The following ACSM1 variants were observed in gnomAD, a reference collection of about 807,000 sequenced individuals.
ACSM1 encodes the protein acyl-CoA synthetase medium chain family member 1.
A neutral mutation model predicts 75.8 loss-of-function variants in ACSM1; 79 were observed. That is an observed-to-expected ratio of 1.04 (90% CI 0.87 to 1.26). ACSM1 has a LOEUF of 1.26. Ranked by LOEUF, ACSM1 falls within the 50% of genes most tolerant of loss-of-function variation. The pLI is 0.00. For synonymous variants in ACSM1, 279 were observed against 265.8 expected (o/e 1.05, Z -0.48); for missense variants, 676 against 720.1 (o/e 0.94, Z 0.70).
chr16:20,633,696 G>A (rs116849543), intron 10 of ACSM1, among the ~76,000 whole-genome samples: 1 of 152,022 alleles, frequency 6.6e-6, no homozygotes, highest in Admixed American at 6.6e-5. Context: ...AATGCATATA[G>A]AATCTCAAAG....
rs543307974 is a variant in ACSM1 at position 20,627,220 on chromosome 16, C to A, written c.1396G>T (p.Gly466Trp). The A allele has an allele frequency of 2.0e-5, 31 of 1,575,182 alleles. No individual in the cohort carries two copies. The African/African-American group carries it at 4.3e-4, about 22-fold the overall frequency. Reference sequence around the variant, plus strand: ...GCATTAATGATGTCATCACTCCTCCCCAGGAAACAAATGTAGCCCTCTTCA... The same window carrying A: ...GCATTAATGATGTCATCACTCCTCCACAGGAAACAAATGTAGCCCTCTTCA... ...MDEEGYICFLGRSDDIINASG... is the reference protein window; with the variant it reads ...MDEEGYICFLWRSDDIINASG... The change falls in exon 11 of 14, where the codon GGG becomes TGG. Residue 466 changes from glycine to tryptophan, a missense_variant. By Grantham distance (184) the Gly-to-Trp change is radical. Coordinates refer to ENST00000520010, the MANE Select transcript of ACSM1 (RefSeq NM_001318890.3).
chr16:20,624,309 C>G, intron 12 of ACSM1, 94 bp from the exon 13 acceptor site: 2 of 1,421,802 alleles, frequency 1.4e-6, no homozygotes, highest in East Asian at 5.2e-5. Flanking sequence ...AACAAGGTGA[C>G]ACTGAACCCT....
intron 10 of ACSM1, among the ~76,000 whole-genome samples, chr16:20,636,007 C>T (rs1464370473): frequency 6.6e-6 from 1 of 152,162 alleles, no homozygotes; most frequent in African/African-American, 2.4e-5. Flanking sequence ...CTGTATGTTC[C>T]CCTTTGGTCA....
intron 2 of ACSM1, among the ~76,000 whole-genome samples, chr16:20,690,091 C>T (rs1443899631): frequency 6.6e-6 from 1 of 152,092 alleles, no homozygotes; most frequent in Non-Finnish European, 1.5e-5. Context: ...TATGCAAATT[C>T]AGAGAAAAGA....
chr16:20,639,527 T>C (rs1051549300), intron 8 of ACSM1, among the ~76,000 whole-genome samples: 3 of 152,200 alleles, frequency 2.0e-5, no homozygotes, highest in African/African-American at 7.2e-5. Flanking sequence ...CTGGGGATCC[T>C]CTGAGCTGAT....
intron 6 of ACSM1, among the ~76,000 whole-genome samples, chr16:20,666,946 C>T (rs2019601688): frequency 6.6e-6 from 1 of 152,092 alleles, no homozygotes. Context: ...AAAATTAACT[C>T]AAGATGGAGT....
At chr16:20,663,857 G>A (rs1216274290) in intron 6 of ACSM1, among the ~76,000 whole-genome samples, 1 of 152,116 alleles carries the variant, frequency 6.6e-6, no homozygotes, top group Non-Finnish European at 1.5e-5. Context: ...CGTTGAAGTA[G>A]GCTTCTGTTA....
At chr16:20,696,485 A>C (rs2079690407) in intron 1 of ACSM1, among the ~76,000 whole-genome samples, 1 of 152,278 alleles carries the variant, frequency 6.6e-6, no homozygotes, top group Non-Finnish European at 1.5e-5. Flanking sequence ...CAGTGTGCCC[A>C]CAAATTATCT....
At chr16:20,651,078 T>C (rs1243263106) in intron 7 of ACSM1, among the ~76,000 whole-genome samples, 1 of 152,198 alleles carries the variant, frequency 6.6e-6, no homozygotes, top group Non-Finnish European at 1.5e-5. Context: ...TATGTTCAAT[T>C]GGCAGTTGAA....
intron 6 of ACSM1, 131 bp downstream of exon 6, chr16:20,669,696 G>T: frequency 1.1e-6 from 1 of 886,650 alleles, no homozygotes. Flanking sequence ...ATCACACTTT[G>T]AGAAGCCCAG....
intron 4 of ACSM1, among the ~76,000 whole-genome samples, chr16:20,673,861 T>C (rs2020107897): frequency 6.6e-6 from 1 of 152,124 alleles, no homozygotes; most frequent in Non-Finnish European, 1.5e-5. Context: ...ACTTTACAAA[T>C]CTCCTTTGCA....
intron 6 of ACSM1, among the ~76,000 whole-genome samples, chr16:20,667,471 C>G (rs1473220382): frequency 3.3e-5 from 5 of 152,106 alleles, no homozygotes; most frequent in African/African-American, 9.7e-5. Context: ...CCATCTCACA[C>G]CTATCAGAAT....
rs149946425 is a variant in ACSM1 at position 20,669,142 on chromosome 16, C to T, written c.912+685G>A. 2.6e-5 allele frequency among the ~76,000 whole-genome samples: 4 copies of T among 152,032 alleles called. No homozygotes were observed. In the East Asian group the frequency reaches 7.7e-4, roughly 29 times the overall value. On this transcript the variant is annotated intron_variant, in intron 6 of 13. Transcript: ENST00000520010. The stretch of plus-strand genomic sequence containing the variant: ...AGACAGAAAGAATTCATGCAGGTGA[C>T]TTGAATTGTCATCATGATGTACTCA...
chr16:20,685,572 A>T (rs965060319), intron 2 of ACSM1, among the ~76,000 whole-genome samples, 169 bp from the exon 3 acceptor site: 1 of 152,088 alleles, frequency 6.6e-6, no homozygotes, highest in African/African-American at 2.4e-5. Flanking sequence ...TTGTAATTCC[A>T]GTACTTTAGG....
At chr16:20,672,065 A>C (rs115115511) in intron 4 of ACSM1, among the ~76,000 whole-genome samples, 2,141 of 152,076 alleles carry the variant, frequency 0.014, 51 homozygotes, top group African/African-American at 0.049. Context: ...GATGAGTACT[A>C]CTCTAATCAT....
chr16:20,693,153 G>A (rs886444531), intron 1 of ACSM1, among the ~76,000 whole-genome samples: 2 of 147,994 alleles, frequency 1.4e-5, no homozygotes, highest in African/African-American at 5.0e-5. Flanking sequence ...CTGGGCAACA[G>A]AGCAAAATTC....
intron 2 of ACSM1, among the ~76,000 whole-genome samples, chr16:20,688,400 G>A (rs1401145481): frequency 1.7e-4 from 26 of 151,996 alleles, no homozygotes; most frequent in Admixed American, 1.7e-3. Context: ...AAGAAATATT[G>A]GCCCCATGAT....
At chr16:20,657,611 T>TA (rs1417987766) in intron 7 of ACSM1, among the ~76,000 whole-genome samples, 2 of 152,044 alleles carry the variant, frequency 1.3e-5, no homozygotes, top group Non-Finnish European at 2.9e-5. Flanking sequence ...GCCCAATGTT[T>TA]TTTTTTTTAT....
intron 3 of ACSM1, 142 bp downstream of exon 3, chr16:20,685,051 C>T (rs1009280983): frequency 3.7e-5 from 30 of 800,890 alleles, no homozygotes; most frequent in Non-Finnish European, 5.7e-5. Context: ...GGAAGCCTTG[C>T]TTTGTGGTCC....
Sources: allele counts gnomAD v4.1 joint callset (sites outside exome capture counted in the v4.1 genomes callset), GRCh38; gene constraint gnomAD v4.1.1; transcripts MANE v1.5; gene names NCBI Gene and HGNC (gene_info 2026-07-23, HGNC 2026-07-21).